Variants in RBFOX1 observed in about 807,000 individuals in gnomAD.
RBFOX1 encodes RNA binding fox-1 homolog 1.
RBFOX1 carries 8 observed loss-of-function variants against 57.7 expected under a neutral mutation model. That is an observed-to-expected ratio of 0.14 (90% CI 0.08 to 0.25). RBFOX1 has a LOEUF of 0.25. Ranked by LOEUF, RBFOX1 falls within the 10% of genes least tolerant of loss-of-function variation. The pLI is 1.00. For missense variants in RBFOX1, 611 were observed against 548.5 expected, an observed-to-expected ratio of 1.11 and a Z score of -1.14; for synonymous variants, 326 against 222.4, an observed-to-expected ratio of 1.47 and a Z score of -4.15.
intron 2 of RBFOX1, among the ~76,000 whole-genome samples, chr16:5,549,086 G>A (rs2045350083): frequency 6.6e-6 from 1 of 152,198 alleles, no homozygotes; most frequent in Non-Finnish European, 1.5e-5. Flanking sequence ...CATCCTCGTG[G>A]AGGACCCCAG....
At chr16:6,298,005 A>C (rs1281962439) in intron 1 of RBFOX1, among the ~76,000 whole-genome samples, 1 of 152,228 alleles carries the variant, frequency 6.6e-6, no homozygotes, top group Non-Finnish European at 1.5e-5. Context: ...AGAAGAGCTC[A>C]GGATGCAGAA....
At chr16:6,062,229 G>C (rs921741460) in intron 1 of RBFOX1, among the ~76,000 whole-genome samples, 2 of 152,034 alleles carry the variant, frequency 1.3e-5, no homozygotes, top group African/African-American at 4.8e-5. Flanking sequence ...TTTTTATGGA[G>C]GCTTCATTAA....
At chr16:7,218,627 G>A (rs1469198477) in intron 4 of RBFOX1, among the ~76,000 whole-genome samples, 1 of 79,224 alleles carries the variant, frequency 1.3e-5, no homozygotes, top group East Asian at 8.2e-4. Flanking sequence ...GTGGGGGTTT[G>A]CTGTGTGTGT....
At chr16:7,672,527 A>G (rs994161274) in intron 13 of RBFOX1, among the ~76,000 whole-genome samples, 1 of 152,160 alleles carries the variant, frequency 6.6e-6, no homozygotes, top group Admixed American at 6.5e-5. Context: ...TTTCACTGTC[A>G]CATTTCAAGA....
At chr16:7,545,676 G>T (rs4786181) in intron 5 of RBFOX1, among the ~76,000 whole-genome samples, 64,010 of 151,906 alleles carry the variant, frequency 0.42, 16,065 homozygotes, top group East Asian at 0.7. Context: ...AGAGTTGCCC[G>T]ACACGGTGAC....
chr16:6,517,082 C>T (rs1240107765), intron 2 of RBFOX1, among the ~76,000 whole-genome samples: 1 of 152,148 alleles, frequency 6.6e-6, no homozygotes. Context: ...GAAGGCATGT[C>T]CAAGGTTGTG....
At chr16:6,749,351 A>C (rs1226728682) in intron 3 of RBFOX1, among the ~76,000 whole-genome samples, 1 of 152,166 alleles carries the variant, frequency 6.6e-6, no homozygotes, top group Admixed American at 6.5e-5. Context: ...GCCTGGTTCA[A>C]AGTAAGTGCT....
chr16:6,202,477 C>T (rs919018522), intron 1 of RBFOX1, among the ~76,000 whole-genome samples: 1 of 152,098 alleles, frequency 6.6e-6, no homozygotes, highest in African/African-American at 2.4e-5. Context: ...AAAGACTTCA[C>T]TCAAGAACTT....
chr16:5,315,580 C>T (rs573357800), intron 1 of RBFOX1, among the ~76,000 whole-genome samples: 2 of 152,276 alleles, frequency 1.3e-5, no homozygotes, highest in East Asian at 3.9e-4. Context: ...AGGCAGGGGA[C>T]AAGAATCACA....
At chr16:7,012,898 A>C (rs893831240) in intron 3 of RBFOX1, among the ~76,000 whole-genome samples, 3 of 152,156 alleles carry the variant, frequency 2.0e-5, no homozygotes, top group African/African-American at 7.2e-5. Flanking sequence ...CTGGAAGTTC[A>C]AGATCAGGGT....
chr16:6,789,000 C>G (rs1280249167), intron 3 of RBFOX1, among the ~76,000 whole-genome samples: 1 of 152,114 alleles, frequency 6.6e-6, no homozygotes, highest in Non-Finnish European at 1.5e-5. Flanking sequence ...CCTGAAAAGT[C>G]ACTTCTGGAT....
intron 1 of RBFOX1, among the ~76,000 whole-genome samples, chr16:6,047,841 T>G (rs112175131): frequency 2.0e-5 from 3 of 152,280 alleles, no homozygotes; most frequent in African/African-American, 7.2e-5. Flanking sequence ...TGTGCCTATT[T>G]TATGCATGAA....
intron 3 of RBFOX1, among the ~76,000 whole-genome samples, chr16:6,952,783 C>G (rs774257353): frequency 1.3e-5 from 2 of 152,162 alleles, no homozygotes; most frequent in African/African-American, 4.8e-5. Flanking sequence ...TGACACCAGC[C>G]TGGCCAACAT....
intron 1 of RBFOX1, among the ~76,000 whole-genome samples, chr16:6,250,133 T>A (rs1215015583): frequency 6.6e-6 from 1 of 152,202 alleles, no homozygotes; most frequent in Non-Finnish European, 1.5e-5. Context: ...CTCTTCACCC[T>A]GCTTACCTAA....
At chr16:6,039,243 A>G (rs770279887) in intron 1 of RBFOX1, among the ~76,000 whole-genome samples, 12 of 150,856 alleles carry the variant, frequency 8.0e-5, no homozygotes, top group Non-Finnish European at 1.5e-4. Context: ...AGAGGTGTCA[A>G]TGTCATGGCC....
chr16:7,352,664 T>G (rs751156708), intron 4 of RBFOX1, among the ~76,000 whole-genome samples: 1 of 152,260 alleles, frequency 6.6e-6, no homozygotes, highest in East Asian at 1.9e-4. Context: ...TTCTGAAGGA[T>G]GCACTCTTGT....
At chr16:5,841,741 A>C (rs373208593) in intron 3 of RBFOX1, among the ~76,000 whole-genome samples, 11 of 152,056 alleles carry the variant, frequency 7.2e-5, no homozygotes, top group East Asian at 1.9e-4. Context: ...GCTCTGTCTG[A>C]CTCCCAGCCC....
chr16:7,435,980 C>G (rs2098718524), intron 4 of RBFOX1, among the ~76,000 whole-genome samples: 1 of 152,132 alleles, frequency 6.6e-6, no homozygotes, highest in African/African-American at 2.4e-5. Context: ...ATAGCGACCT[C>G]TTTTCTTTTC....
chr16:6,881,896 G>C (rs969016582), intron 3 of RBFOX1, among the ~76,000 whole-genome samples: 1 of 152,192 alleles, frequency 6.6e-6, no homozygotes, highest in African/African-American at 2.4e-5. Context: ...AGCTGGAGTT[G>C]CTGTATAGCA....
Sources: gnomAD v4.1 joint callset for allele counts (sites outside exome capture counted in the v4.1 genomes callset) on GRCh38, gnomAD v4.1.1 for gene constraint, MANE v1.5 for transcripts, NCBI Gene and HGNC (gene_info 2026-07-23, HGNC 2026-07-21) for gene names.